The following CRTAC1 variants were observed in gnomAD, a reference collection of about 807,000 sequenced individuals.
The protein encoded by CRTAC1 is acidic secreted protein in cartilage.
Under a neutral mutation model 67.8 loss-of-function variants are expected in CRTAC1, and 37 were observed. That is an observed-to-expected ratio of 0.55 (90% confidence interval 0.42 to 0.72). The LOEUF is 0.72. Ranked by LOEUF, CRTAC1 falls within the 30% of genes least tolerant of loss-of-function variation. The pLI is 0.00. For missense variants in CRTAC1, 780 were observed against 931.6 expected (o/e 0.84, Z 2.12); for synonymous variants, 348 against 371.0 (o/e 0.94, Z 0.71).
At position 97,896,893 on chromosome 10, in the gene CRTAC1, C is replaced by T. The variant is rs1183102242; in HGVS notation, c.1216+16G>A. On this transcript the variant is annotated intron_variant, in intron 9 of 14. Coordinates refer to ENST00000370597, the MANE Select transcript of CRTAC1 (RefSeq NM_018058.7). The stretch of plus-strand genomic sequence containing the variant: ...TAAGGGGGCAGTGCAGGCCAGATCC[C>T]CCAGGTGCCCCTCACCTGTGCCCCG... The T allele has an allele frequency of 1.3e-6, 2 of 1,541,726 alleles. No homozygotes were observed. Among genetic ancestry groups the T allele is most frequent in the Non-Finnish European group, 1.8e-6 (2 of 1,139,150 alleles).
intron 2 of CRTAC1, among the ~76,000 whole-genome samples, chr10:97,988,750 CA>C (rs1458920166): frequency 6.6e-6 from 1 of 152,168 alleles, no homozygotes; most frequent in Non-Finnish European, 1.5e-5. Context: ...ATTATGATGG[CA>C]GTACTGGCTA....
At chr10:97,893,078 GT>G (rs2050400323) in intron 11 of CRTAC1, among the ~76,000 whole-genome samples, 1 of 152,168 alleles carries the variant, frequency 6.6e-6, no homozygotes, top group Non-Finnish European at 1.5e-5. Context: ...CTGATCTTCA[GT>G]TTTCCCATGT....
intron 4 of CRTAC1, among the ~76,000 whole-genome samples, chr10:97,921,721 C>T (rs1248217746): frequency 1.3e-5 from 2 of 152,140 alleles, no homozygotes; most frequent in East Asian, 3.9e-4. Context: ...CCTGGCAGTC[C>T]TCAGGCCCCA....
intron 2 of CRTAC1, among the ~76,000 whole-genome samples, chr10:97,991,420 T>TAATAAATAAATAAATAAATA (rs59622695): frequency 6.8e-5 from 10 of 147,120 alleles, no homozygotes; most frequent in African/African-American, 1.8e-4. Context: ...CTTTTAAAAA[T>TAATAAATAAATAAATAAATA]AATAAATAAA....
intron 14 of CRTAC1, among the ~76,000 whole-genome samples, chr10:97,877,207 G>T (rs1407440362): frequency 6.6e-6 from 1 of 152,144 alleles, no homozygotes; most frequent in Non-Finnish European, 1.5e-5. Flanking sequence ...TTGCTTTCTG[G>T]TATAGCAACC....
intron 3 of CRTAC1, among the ~76,000 whole-genome samples, chr10:97,931,148 T>TC (rs112946228): frequency 0.86 from 131,382 of 152,038 alleles, 57,831 homozygotes; most frequent in South Asian, 0.96. Context: ...CACTTAGATA[T>TC]AATTTTTCCC....
intron 2 of CRTAC1, among the ~76,000 whole-genome samples, chr10:97,982,675 C>T (rs1242331035): frequency 1.3e-5 from 2 of 152,154 alleles, no homozygotes; most frequent in Non-Finnish European, 1.5e-5. Context: ...GGACACACTT[C>T]GCAAATCAAC....
chr10:97,974,181 A>G (rs2051760420), intron 2 of CRTAC1, among the ~76,000 whole-genome samples: 1 of 152,140 alleles, frequency 6.6e-6, no homozygotes, highest in Non-Finnish European at 1.5e-5. Flanking sequence ...GTCACAACTC[A>G]GCCTGTTCTG....
At chr10:98,007,218 C>T (rs906977785) in intron 2 of CRTAC1, among the ~76,000 whole-genome samples, 10 of 152,286 alleles carry the variant, frequency 6.6e-5, no homozygotes, top group East Asian at 3.9e-4. Context: ...TTGCCACGTT[C>T]GCTTGGATGG....
At chr10:97,952,535 T>C (rs112067982) in intron 2 of CRTAC1, among the ~76,000 whole-genome samples, 1,793 of 56,762 alleles carry the variant, frequency 0.032, 28 homozygotes, top group African/African-American at 0.13. Flanking sequence ...TGAAATTCCA[T>C]CTCAAAAAAA....
At chr10:98,005,385 G>A (rs866864844) in intron 2 of CRTAC1, among the ~76,000 whole-genome samples, 4 of 150,622 alleles carry the variant, frequency 2.7e-5, no homozygotes, top group East Asian at 1.9e-4. Context: ...GATTACAGGC[G>A]TGAGCCACCA....
At chr10:97,998,508 T>A (rs1266703565) in intron 2 of CRTAC1, among the ~76,000 whole-genome samples, 2 of 152,114 alleles carry the variant, frequency 1.3e-5, no homozygotes, top group African/African-American at 4.8e-5. Context: ...CATTACACCA[T>A]GGAATAATAG....
At chr10:97,939,408 A>T (rs1408782431) in intron 2 of CRTAC1, among the ~76,000 whole-genome samples, 2 of 152,136 alleles carry the variant, frequency 1.3e-5, no homozygotes, top group African/African-American at 4.8e-5. Context: ...CTAAACTGAC[A>T]TGGTAGCTTG....
rs529855674 is a variant in CRTAC1, at chr10:97,931,769, C to T, written c.421+4401G>A. ...GCTCCTGTTTGTTACCCCAGGCCAG[C>T]TCATGCGGGCGGGAGTGCTCAGGGC... On this transcript the variant is annotated intron_variant, in intron 3 of 14. Coordinates refer to ENST00000370597, the MANE Select transcript of CRTAC1 (RefSeq NM_018058.7). 2.0e-5 allele frequency among the ~76,000 whole-genome samples: 3 copies of T among 152,356 alleles called. No individual in the cohort carries two copies. In the South Asian group the frequency reaches 6.2e-4, roughly 32 times the overall value.
At chr10:97,908,550 A>C (rs1013219346) in intron 5 of CRTAC1, among the ~76,000 whole-genome samples, 1 of 152,212 alleles carries the variant, frequency 6.6e-6, no homozygotes, top group African/African-American at 2.4e-5. Context: ...TGAGTGATAC[A>C]TATGCTGGTC....
At chr10:97,902,644 T>TA (rs1358123909) in intron 7 of CRTAC1, among the ~76,000 whole-genome samples, 2 of 152,158 alleles carry the variant, frequency 1.3e-5, no homozygotes, top group Non-Finnish European at 2.9e-5. Flanking sequence ...GTTTTTCCCC[T>TA]AAAGACCTTG....
chr10:97,912,521 G>A (rs778090936), intron 5 of CRTAC1, among the ~76,000 whole-genome samples: 1 of 152,302 alleles, frequency 6.6e-6, no homozygotes, highest in Non-Finnish European at 1.5e-5. Flanking sequence ...GCCCTGGCAC[G>A]CTGGCAATGC....
At chr10:97,878,841 C>T (rs2050176282) in intron 14 of CRTAC1, among the ~76,000 whole-genome samples, 1 of 152,182 alleles carries the variant, frequency 6.6e-6, no homozygotes, top group African/African-American at 2.4e-5. Flanking sequence ...AAGTGACTTC[C>T]TGCAGGTAAA....
chr10:98,017,895 G>A (rs1237279132), intron 1 of CRTAC1, among the ~76,000 whole-genome samples: 1 of 151,846 alleles, frequency 6.6e-6, no homozygotes, highest in Non-Finnish European at 1.5e-5. Flanking sequence ...GCAAGGTGAA[G>A]AGATAGAGAG....
Sources: gnomAD v4.1 joint callset for allele counts (sites outside exome capture counted in the v4.1 genomes callset) on GRCh38, gnomAD v4.1.1 for gene constraint, MANE v1.5 for transcripts, NCBI Gene and HGNC (gene_info 2026-07-23, HGNC 2026-07-21) for gene names.